Variants in CDH13 observed in about 807,000 individuals in gnomAD.
The protein encoded by CDH13 is cadherin-13.
A neutral mutation model predicts 63.8 loss-of-function variants in CDH13; 24 were observed. The ratio of observed to expected loss-of-function variants is 0.38; its 90% CI spans 0.27 to 0.53. The LOEUF is 0.53. Among genes scored for constraint, CDH13 ranks in the 20% least tolerant of loss-of-function variants. CDH13 has a pLI of 0.85. For missense variants in CDH13, 1,049 were observed against 903.1 expected (o/e 1.16, Z -2.07); for synonymous variants, 503 against 355.3 (o/e 1.42, Z -4.67).
At chr16:83,272,396 G>C (rs2088851829) in intron 5 of CDH13, among the ~76,000 whole-genome samples, 1 of 152,182 alleles carries the variant, frequency 6.6e-6, no homozygotes. Flanking sequence ...CAGCGTTCCA[G>C]GCAGAGTGAA....
chr16:83,755,181 G>T lies in CDH13; in HGVS notation c.1681+6931G>T, dbSNP rs552306681. Among the ~76,000 whole-genome samples, 22 of 152,212 alleles carry T rather than the reference G, an allele frequency of 1.4e-4. 1 individual carries two copies. The South Asian group carries it at 3.3e-3, about 23-fold the overall frequency. ...GGAATCAGATAGATATTCCAGAACTGAAATACATATTATCATATTAAAAAC... is the reference window on the plus strand; with the variant it reads ...GGAATCAGATAGATATTCCAGAACTTAAATACATATTATCATATTAAAAAC... On this transcript the variant is annotated intron_variant, in intron 11 of 13. Coordinates refer to ENST00000567109, the MANE Select transcript of CDH13 (RefSeq NM_001257.5).
At chr16:83,308,428 C>T (rs763315183) in intron 5 of CDH13, among the ~76,000 whole-genome samples, 1 of 152,318 alleles carries the variant, frequency 6.6e-6, no homozygotes, top group East Asian at 1.9e-4. Context: ...ACACAGGATT[C>T]TAATATTCTC....
intron 5 of CDH13, among the ~76,000 whole-genome samples, chr16:83,341,876 C>T (rs2090730112): frequency 6.6e-6 from 1 of 152,014 alleles, no homozygotes; most frequent in African/African-American, 2.4e-5. Context: ...AATCATTTTC[C>T]ATGTGTTTTG....
intron 6 of CDH13, among the ~76,000 whole-genome samples, chr16:83,360,891 T>C (rs965957622): frequency 6.6e-6 from 1 of 152,236 alleles, no homozygotes; most frequent in Non-Finnish European, 1.5e-5. Flanking sequence ...GTCTTTGCTA[T>C]TTGAATAGTG....
At chr16:82,857,429 G>C (rs1023032300) in intron 1 of CDH13, among the ~76,000 whole-genome samples, 1 of 152,180 alleles carries the variant, frequency 6.6e-6, no homozygotes, top group Non-Finnish European at 1.5e-5. Context: ...TTGTTGGGGG[G>C]AGGTAATACC....
chr16:82,630,804 C>T (rs1438531032), intron 1 of CDH13, among the ~76,000 whole-genome samples: 1 of 152,198 alleles, frequency 6.6e-6, no homozygotes, highest in Non-Finnish European at 1.5e-5. Context: ...GTCATATCAT[C>T]TACGTAGCCA....
chr16:83,467,134 C>A (rs1162776395), intron 6 of CDH13, among the ~76,000 whole-genome samples: 1 of 152,124 alleles, frequency 6.6e-6, no homozygotes, highest in Non-Finnish European at 1.5e-5. Context: ...GGCTGACATT[C>A]CAGAAAAACA....
intron 6 of CDH13, among the ~76,000 whole-genome samples, chr16:83,426,391 C>T (rs1421186789): frequency 6.6e-6 from 1 of 152,056 alleles, no homozygotes; most frequent in East Asian, 1.9e-4. Flanking sequence ...AACTCTAGTC[C>T]TTGCTAATAT....
intron 2 of CDH13, among the ~76,000 whole-genome samples, chr16:82,935,329 C>G (rs1454386157): frequency 1.3e-5 from 2 of 152,142 alleles, no homozygotes; most frequent in African/African-American, 4.8e-5. Flanking sequence ...TAATCACCTC[C>G]CATGAGGTCC....
At position 83,748,243 on chromosome 16, in the gene CDH13, T is replaced by G. The variant is rs1912771098; in HGVS notation, c.1674T>G (p.Ile558Met). ...NSVYTALFLA[I>M]DSGNPPATGT... ...TGTACACTGCTCTCTTCCTGGCAAT[T>G]GACAGTGGTGAGTACTTGACAAAGA... Residue 558 changes from isoleucine to methionine, a missense_variant, in exon 11 of 14, where the codon ATT becomes ATG. Ile to Met is a conservative substitution (Grantham distance 10). Transcript: ENST00000567109. 1 of 1,608,758 alleles carries G rather than the reference T, an allele frequency of 6.2e-7. No individual in the cohort carries two copies. The highest frequency in any genetic ancestry group is 1.1e-5 in the South Asian group (1 of 90,706).
chr16:82,920,910 A>G, intron 2 of CDH13, among the ~76,000 whole-genome samples: 1 of 152,182 alleles, frequency 6.6e-6, no homozygotes, highest in East Asian at 1.9e-4. Context: ...AGCCCCATTC[A>G]ATTTCAAATT....
At chr16:83,448,226 G>A (rs1037512798) in intron 6 of CDH13, among the ~76,000 whole-genome samples, 2 of 152,066 alleles carry the variant, frequency 1.3e-5, no homozygotes, top group Non-Finnish European at 2.9e-5. Context: ...AGGAAATGTG[G>A]TATCACTGAT....
At chr16:82,953,852 A>G (rs922510693) in intron 2 of CDH13, 7 of 152,226 alleles carry the variant, frequency 4.6e-5, no homozygotes, top group Non-Finnish European at 1.0e-4. Context: ...AACAACGACA[A>G]TAATAATGAT....
intron 2 of CDH13, among the ~76,000 whole-genome samples, chr16:82,993,166 G>C (rs1466121459): frequency 6.6e-6 from 1 of 152,140 alleles, no homozygotes; most frequent in Admixed American, 6.5e-5. Context: ...CTCGATATCT[G>C]TTTCCTTCTG....
intron 5 of CDH13, among the ~76,000 whole-genome samples, chr16:83,288,231 T>A (rs539545360): frequency 6.6e-6 from 1 of 152,330 alleles, no homozygotes; most frequent in South Asian, 2.1e-4. Context: ...CCAGCCCCAA[T>A]AGCTAACTCA....
At chr16:83,145,353 C>G (rs1376987016) in intron 4 of CDH13, among the ~76,000 whole-genome samples, 1 of 152,156 alleles carries the variant, frequency 6.6e-6, no homozygotes, top group African/African-American at 2.4e-5. Flanking sequence ...CTCTGCCAAG[C>G]TTAATGAAAG....
At chr16:83,116,805 G>T (rs1284114820) in intron 3 of CDH13, among the ~76,000 whole-genome samples, 1 of 152,122 alleles carries the variant, frequency 6.6e-6, no homozygotes. Context: ...TTAAAATACT[G>T]CAGGCGAGAG....
Position 83,053,025 on chromosome 16 carries a change from G to A in CDH13, c.366+20807G>A, listed in dbSNP as rs145759620. ...TTGTGGTTTGGGACACATTCTTTTC[G>A]AAGGCCTAACTTTTTCTGTTGGTGA... is the stretch of plus-strand genomic sequence containing the variant. On this transcript the variant is annotated intron_variant, in intron 3 of 13. Coordinates refer to ENST00000567109, the MANE Select transcript of CDH13 (RefSeq NM_001257.5). 1.3e-3 allele frequency among the ~76,000 whole-genome samples: 194 copies of A among 152,136 alleles called. 2 individuals carry two copies. The highest frequency in any genetic ancestry group is 0.012 in the South Asian group (57 of 4,822).
At chr16:83,500,290 TCTTCTCCTTCTCCTTCTC>T (rs2074243675) in intron 7 of CDH13, among the ~76,000 whole-genome samples, 1 of 2,210 alleles carries the variant, frequency 4.5e-4, no homozygotes, top group African/African-American at 5.9e-4. Context: ...TTCTTCTTCT[TCTTCTCCTTCTCCTTCTC>T]CTTCTCCTTC....
Sources: gnomAD v4.1 joint callset for allele counts (sites outside exome capture counted in the v4.1 genomes callset) on GRCh38, gnomAD v4.1.1 for gene constraint, MANE v1.5 for transcripts, NCBI Gene and HGNC (gene_info 2026-07-23, HGNC 2026-07-21) for gene names.